The following SLC26A7 variants were observed in gnomAD, a reference collection of about 807,000 sequenced individuals.
The protein encoded by SLC26A7 is solute carrier family 26 member 7, also known as anion exchange transporter.
In SLC26A7, 59 loss-of-function variants were observed where a neutral mutation model predicts 82.5. That is an observed-to-expected ratio of 0.72 (90% CI 0.58 to 0.89). The LOEUF (loss-of-function observed/expected upper bound fraction) is 0.89. Ranked by LOEUF, SLC26A7 falls within the 40% of genes least tolerant of loss-of-function variation. SLC26A7 has a pLI of 0.00. For missense variants in SLC26A7, 820 were observed against 793.0 expected (o/e 1.03, Z -0.41); for synonymous variants, 271 against 274.3 (o/e 0.99, Z 0.12).
In SLC26A7 at chr8:91,394,094, C is replaced by T. The variant is rs1039454513; in HGVS notation, c.1935+55C>T. On this transcript the variant is annotated intron_variant, in intron 18 of 18. Coordinates refer to ENST00000276609, the MANE Select transcript of SLC26A7 (RefSeq NM_052832.4). ...TATAAGAATATTCAGAATATAGAATCGAAGCTTTGCATCTTTTATATTAGC... is the reference window on the plus strand; with the variant it reads ...TATAAGAATATTCAGAATATAGAATTGAAGCTTTGCATCTTTTATATTAGC... The T allele has an allele frequency of 4.2e-5, 66 of 1,587,304 alleles. No homozygotes were observed. In the Middle Eastern group the frequency reaches 8.3e-4, roughly 20 times the overall value.
intron 13 of SLC26A7, among the ~76,000 whole-genome samples, chr8:91,364,398 C>T (rs1586456980): frequency 6.6e-6 from 1 of 152,238 alleles, no homozygotes; most frequent in East Asian, 1.9e-4. Context: ...GCATCAGGAA[C>T]CCTCTGCGGC....
chr8:91,234,054 A>T (rs1810351622), intron 2 of SLC26A7, among the ~76,000 whole-genome samples: 1 of 152,220 alleles, frequency 6.6e-6, no homozygotes, highest in Non-Finnish European at 1.5e-5. Context: ...TAGATTTAAC[A>T]CTGGTTTATG....
chr8:91,224,840 T>C (rs954309068), intron 2 of SLC26A7, among the ~76,000 whole-genome samples: 2 of 152,160 alleles, frequency 1.3e-5, no homozygotes, highest in African/African-American at 4.8e-5. Flanking sequence ...CCCGAGGAGC[T>C]CAGGCCCAGG....
chr8:91,239,599 ATGT>A (rs2130684159), intron 2 of SLC26A7, among the ~76,000 whole-genome samples: 1 of 152,088 alleles, frequency 6.6e-6, no homozygotes, highest in African/African-American at 2.4e-5. Flanking sequence ...CACACACACT[ATGT>A]TGTTGTTACA....
At chr8:91,348,374 C>G (rs1372904007) in intron 9 of SLC26A7, 1 of 984,998 alleles carries the variant, frequency 1.0e-6, no homozygotes, top group Non-Finnish European at 1.2e-6. Flanking sequence ...GCTGGTTTCT[C>G]CCTCTACTCC....
upstream of SLC26A7, among the ~76,000 whole-genome samples, chr8:91,247,497 T>C (rs985160357): frequency 1.3e-5 from 2 of 151,676 alleles, no homozygotes; most frequent in Admixed American, 1.3e-4. Context: ...TTAAATAATA[T>C]GTATGCACAT....
At chr8:91,332,116 T>G (rs574329942) in intron 5 of SLC26A7, among the ~76,000 whole-genome samples, 1 of 149,056 alleles carries the variant, frequency 6.7e-6, no homozygotes, top group South Asian at 2.1e-4. Context: ...ACTGTTATAT[T>G]TCTGGGTTCT....
intron 4 of SLC26A7, among the ~76,000 whole-genome samples, chr8:91,315,588 G>A (rs370471515): frequency 1.1e-4 from 16 of 152,220 alleles, no homozygotes; most frequent in South Asian, 4.1e-4. Flanking sequence ...CTGCTTTGGC[G>A]TCCTGAGTTT....
chr8:91,341,471 C>T (rs1021425001), intron 8 of SLC26A7, among the ~76,000 whole-genome samples: 7 of 152,164 alleles, frequency 4.6e-5, no homozygotes, highest in Non-Finnish European at 5.9e-5. Context: ...CCGTGGTTTA[C>T]GAATATCGAA....
chr8:91,227,902 C>A (rs1311465944), intron 2 of SLC26A7, among the ~76,000 whole-genome samples: 2 of 152,214 alleles, frequency 1.3e-5, no homozygotes, highest in Non-Finnish European at 2.9e-5. Flanking sequence ...TTCTAGACTG[C>A]AGCTATTAGA....
At chr8:91,231,683 A>G (rs1810312529) in intron 2 of SLC26A7, among the ~76,000 whole-genome samples, 1 of 151,952 alleles carries the variant, frequency 6.6e-6, no homozygotes, top group Non-Finnish European at 1.5e-5. Context: ...TTTAAATTCT[A>G]AAACTGTAAG....
Position 91,281,284 on chromosome 8 carries a change from A to G in SLC26A7, c.194-7852A>G, listed in dbSNP as rs992299909. ...ACTTGTTTTTCGTGTGTAACCACATATAATGGTCATGTCTCCCGGTTAAAG... is the reference window on the plus strand; with the variant it reads ...ACTTGTTTTTCGTGTGTAACCACATGTAATGGTCATGTCTCCCGGTTAAAG... On this transcript the variant is annotated intron_variant, in intron 2 of 18. Coordinates refer to ENST00000276609, the MANE Select transcript of SLC26A7 (RefSeq NM_052832.4). Among the ~76,000 whole-genome samples, 7 of 152,220 alleles carry G rather than the reference A, an allele frequency of 4.6e-5. 1 individual carries two copies. The highest frequency in any genetic ancestry group is 1.7e-4 in the African/African-American group (7 of 41,462).
intron 9 of SLC26A7, 63 bp from the exon 10 acceptor site, chr8:91,351,747 C>A: frequency 8.9e-7 from 1 of 1,117,828 alleles, no homozygotes; most frequent in South Asian, 1.3e-5. Context: ...CACCCCATAA[C>A]TTTGACATAA....
At chr8:91,289,989 T>C (rs1459404803) in intron 3 of SLC26A7, among the ~76,000 whole-genome samples, 1 of 152,208 alleles carries the variant, frequency 6.6e-6, no homozygotes, top group Non-Finnish European at 1.5e-5. Context: ...GCTTTCTTGA[T>C]AGCAAAATTA....
intron 2 of SLC26A7, among the ~76,000 whole-genome samples, chr8:91,251,665 C>T (rs1810661136): frequency 1.3e-5 from 2 of 151,970 alleles, no homozygotes; most frequent in African/African-American, 2.4e-5. Context: ...TCCCAAGACA[C>T]AGCAGTCTCC....
chr8:91,352,762 A>G, intron 10 of SLC26A7, 139 bp from the exon 11 acceptor site: 1 of 571,804 alleles, frequency 1.7e-6, no homozygotes. Context: ...CAAAATAAAT[A>G]TTGCTTTTGT....
At chr8:91,377,648 G>C (rs1034416623) in intron 15 of SLC26A7, among the ~76,000 whole-genome samples, 8 of 152,152 alleles carry the variant, frequency 5.3e-5, no homozygotes, top group Non-Finnish European at 4.4e-5. Flanking sequence ...AAGTTCTCAA[G>C]TTGCCACCAA....
At chr8:91,234,479 GT>G (rs149698888) in intron 2 of SLC26A7, among the ~76,000 whole-genome samples, 101,885 of 146,510 alleles carry the variant, frequency 0.7, 35,441 homozygotes, top group Middle Eastern at 0.76. Flanking sequence ...TGGCCCTTCT[GT>G]TTTTTTTTTT....
At chr8:91,291,236 CA>C (rs1811860276) in intron 3 of SLC26A7, among the ~76,000 whole-genome samples, 1 of 152,044 alleles carries the variant, frequency 6.6e-6, no homozygotes, top group Non-Finnish European at 1.5e-5. Context: ...CACTAAAATT[CA>C]GAAAGTTTCT....
Sources: gnomAD v4.1 joint callset for allele counts (sites outside exome capture counted in the v4.1 genomes callset) on GRCh38, gnomAD v4.1.1 for gene constraint, MANE v1.5 for transcripts, NCBI Gene and HGNC (gene_info 2026-07-23, HGNC 2026-07-21) for gene names.